Variants in LRPPRC observed in about 807,000 individuals in gnomAD.
LRPPRC encodes the protein leucine rich pentatricopeptide repeat containing.
In LRPPRC, 120 loss-of-function variants were observed where a neutral mutation model predicts 180.3. The observed-to-expected ratio is 0.67, with a 90% CI of 0.57 to 0.77. The LOEUF (loss-of-function observed/expected upper bound fraction) is 0.77. LRPPRC is among the 30% of genes least tolerant of loss of function. LRPPRC has a pLI of 0.00. For synonymous variants in LRPPRC, 723 were observed against 600.0 expected (o/e 1.21, Z -3.00); for missense variants, 2,012 against 1,657.2 (o/e 1.21, Z -3.72).
chr2:43,918,812 T>G (rs988784927), intron 27 of LRPPRC, among the ~76,000 whole-genome samples: 37 of 143,310 alleles, frequency 2.6e-4, no homozygotes, highest in South Asian at 1.1e-3. Context: ...TATATATAGA[T>G]ATATATATAT....
intron 14 of LRPPRC, among the ~76,000 whole-genome samples, chr2:43,951,196 G>C (rs1009862431): frequency 6.6e-5 from 10 of 152,220 alleles, no homozygotes; most frequent in African/African-American, 2.4e-4. Flanking sequence ...AGAAGACAGA[G>C]TATCACTCAT....
intron 12 of LRPPRC, among the ~76,000 whole-genome samples, chr2:43,962,239 G>A (rs1673376965): frequency 6.6e-6 from 1 of 152,088 alleles, no homozygotes; most frequent in Non-Finnish European, 1.5e-5. Flanking sequence ...ATCTGAAAAA[G>A]TAAGAATATG....
chr2:43,983,593 T>G (rs1674403842), intron 1 of LRPPRC, among the ~76,000 whole-genome samples: 1 of 152,176 alleles, frequency 6.6e-6, no homozygotes, highest in African/African-American at 2.4e-5. Flanking sequence ...GTTTACACAT[T>G]TATTGCAAAT....
intron 14 of LRPPRC, among the ~76,000 whole-genome samples, chr2:43,952,000 C>G (rs966743179): frequency 6.6e-6 from 1 of 152,108 alleles, no homozygotes; most frequent in Non-Finnish European, 1.5e-5. Flanking sequence ...TCAAGACCAG[C>G]CTGACTAACA....
chr2:43,994,196 T>G (rs1468828955), intron 1 of LRPPRC, among the ~76,000 whole-genome samples: 1 of 152,220 alleles, frequency 6.6e-6, no homozygotes, highest in Non-Finnish European at 1.5e-5. Flanking sequence ...AGTTCTGTGC[T>G]CAGAGGCATG....
At chr2:43,921,938 TTGGA>T (rs1679692363) in intron 27 of LRPPRC, among the ~76,000 whole-genome samples, 1 of 152,232 alleles carries the variant, frequency 6.6e-6, no homozygotes, top group African/African-American at 2.4e-5. Context: ...AGTTTGACTC[TTGGA>T]TAGACTACTA....
Position 43,934,739 on chromosome 2 carries a change from T to G in LRPPRC, c.2629+15A>C. On this transcript the variant is annotated intron_variant, in intron 24 of 37. Transcript: ENST00000260665. ...GGAAAAAAAAACTACATTAAGATACTAGAAAGTGACTCACCTTTCTGAATT... is the reference window on the plus strand; with the variant it reads ...GGAAAAAAAAACTACATTAAGATACGAGAAAGTGACTCACCTTTCTGAATT... The G allele has an allele frequency of 6.2e-7, 1 of 1,610,692 alleles. No homozygotes were observed. Among genetic ancestry groups the G allele is most frequent in the Non-Finnish European group, 8.5e-7 (1 of 1,177,030 alleles).
intron 11 of LRPPRC, among the ~76,000 whole-genome samples, chr2:43,964,744 T>C (rs1156900176): frequency 2.0e-5 from 3 of 152,146 alleles, no homozygotes; most frequent in Non-Finnish European, 2.9e-5. Context: ...TGAATCAGAA[T>C]ATTTTAACTT....
intron 11 of LRPPRC, among the ~76,000 whole-genome samples, chr2:43,969,246 A>G (rs1038585855): frequency 7.9e-5 from 12 of 152,146 alleles, no homozygotes; most frequent in African/African-American, 2.7e-4. Context: ...CCCCGTCTCT[A>G]CTAAAAATAC....
At chr2:43,925,305 TATGA>T in intron 26 of LRPPRC, 148 bp from the exon 27 acceptor site, 1 of 686,520 alleles carries the variant, frequency 1.5e-6, no homozygotes. Flanking sequence ...AGCACAACAA[TATGA>T]ATGAACTTAA....
At chr2:43,927,707 A>T (rs1671938232) in intron 25 of LRPPRC, among the ~76,000 whole-genome samples, 1 of 152,238 alleles carries the variant, frequency 6.6e-6, no homozygotes, top group Non-Finnish European at 1.5e-5. Context: ...TCTAAACAGC[A>T]CAACTTTTAT....
chr2:43,930,313 T>G (rs1204084312), intron 25 of LRPPRC, among the ~76,000 whole-genome samples: 3 of 152,102 alleles, frequency 2.0e-5, no homozygotes, highest in Non-Finnish European at 4.4e-5. Flanking sequence ...TGAGGGGTCA[T>G]GAGATCATGG....
Position 43,960,621 on chromosome 2 carries a change from A to T in LRPPRC, c.1502T>A (p.Leu501Gln). The change falls in exon 13 of 38, where the codon CTG becomes CAG. Residue 501 changes from leucine (L) to glutamine (Q), a missense_variant. Leu to Gln is a moderately radical substitution (Grantham distance 113). Transcript: ENST00000260665. ...TTGAGAAAACATATCACTATCAGAC[A>T]GACATCCATTTTCCTGGAGATAAAG... Reference protein sequence around the residue: ...ARAILQENGCLSDSDMFSQAG... With the variant: ...ARAILQENGCQSDSDMFSQAG... 6.3e-7 allele frequency: 1 copy of T among 1,584,248 alleles called. No individual in the cohort carries two copies. The highest frequency in any genetic ancestry group is 1.1e-5 in the South Asian group (1 of 90,524).
rs764402730 is a variant in LRPPRC at position 43,899,303 on chromosome 2, CTGAT to C, written c.3737_3740del (p.Asn1246SerfsTer58). 2 of 1,614,114 alleles carry C rather than the reference CTGAT, an allele frequency of 1.2e-6. No homozygotes were observed. Among genetic ancestry groups the C allele is most frequent in the Non-Finnish European group, 1.7e-6 (2 of 1,179,976 alleles). On this transcript the variant is annotated frameshift_variant, in exon 34 of 38. Transcript: ENST00000260665. LOFTEE classifies it high-confidence loss of function. ...CAGTGACAGGTTTATAAATTGCAAA[CTGAT>C]TGGCCAATCTCTCCGCCATGATGCT...
intron 11 of LRPPRC, among the ~76,000 whole-genome samples, chr2:43,972,306 A>G (rs1673856583): frequency 6.6e-6 from 1 of 152,218 alleles, no homozygotes; most frequent in Admixed American, 6.5e-5. Flanking sequence ...GATTTGAGAT[A>G]AAGCCCATTT....
At chr2:43,993,072 C>G (rs1020166639) in intron 1 of LRPPRC, among the ~76,000 whole-genome samples, 2 of 151,962 alleles carry the variant, frequency 1.3e-5, no homozygotes, top group African/African-American at 4.8e-5. Context: ...AGAAGAGAAC[C>G]TAGAAAAATG....
At chr2:43,932,734 T>G (rs1026306504) in intron 25 of LRPPRC, among the ~76,000 whole-genome samples, 3 of 152,250 alleles carry the variant, frequency 2.0e-5, no homozygotes, top group Admixed American at 2.0e-4. Context: ...ACATACATTA[T>G]GTGATTGAAT....
At position 43,947,362 on chromosome 2, in the gene LRPPRC, T is replaced by G; in HGVS notation, c.1974A>C (p.Gln658His). 6.5e-7 allele frequency: 1 copy of G among 1,532,814 alleles called. No individual in the cohort carries two copies. The highest frequency in any genetic ancestry group is 9.0e-7 in the Non-Finnish European group (1 of 1,106,938). 95.0% of individuals were successfully genotyped at this position (1,532,814 alleles called of 1,614,324 possible). ...TGGACTCCAATTCAGATGATGTAAGTTGCACAGTCTACAGAAAAGAAAAAA... is the reference window on the plus strand; with the variant it reads ...TGGACTCCAATTCAGATGATGTAAGGTGCACAGTCTACAGAAAAGAAAAAA... ...SKNLDFQKTV[Q>H]LTSSELESTL... Residue 658 changes from glutamine (Q) to histidine (H), a missense_variant, in exon 20 of 38, where the codon CAA becomes CAC. Physicochemically the swap from Gln to His is conservative, Grantham distance 24 (BLOSUM62 0). Transcript: ENST00000260665.
Position 43,900,682 on chromosome 2 carries a change from T to C in LRPPRC, c.3569+638A>G, listed in dbSNP as rs7608069. On this transcript the variant is annotated intron_variant, in intron 32 of 37. Transcript: ENST00000260665. ...AAACAAACATTATATTTTAATATCA[T>C]GTCCCATTAAATGTATGCAAGATTA... Among the ~76,000 whole-genome samples, 634 of 152,332 alleles carry C rather than the reference T, an allele frequency of 4.2e-3. 7 individuals carry two copies. Among genetic ancestry groups the C allele is most frequent in the African/African-American group, 0.015 (607 of 41,584 alleles).
Sources: gnomAD v4.1 joint callset for allele counts (sites outside exome capture counted in the v4.1 genomes callset) on GRCh38, gnomAD v4.1.1 for gene constraint, MANE v1.5 for transcripts, NCBI Gene and HGNC (gene_info 2026-07-23, HGNC 2026-07-21) for gene names.